The following MACF1 variants were observed in gnomAD, a reference collection of about 807,000 sequenced individuals.
The protein encoded by MACF1 is microtubule-actin cross-linking factor 1.
A neutral mutation model predicts 854.8 loss-of-function variants in MACF1; 193 were observed. That is an observed-to-expected ratio of 0.23 (90% confidence interval 0.20 to 0.25). MACF1 has a LOEUF of 0.25. MACF1 is among the 10% of genes least tolerant of loss of function. The pLI is 1.00. For synonymous variants in MACF1, 3,185 were observed against 3,226.7 expected, an observed-to-expected ratio of 0.99 and a Z score of 0.44; for missense variants, 7,722 against 8,929.1, an observed-to-expected ratio of 0.86 and a Z score of 5.45.
Position 39,427,498 on chromosome 1 carries a change from C to T in MACF1, c.16360C>T (p.His5454Tyr), listed in dbSNP as rs1199232590. 1 of 1,614,104 alleles carries T rather than the reference C, an allele frequency of 6.2e-7. No homozygotes were observed. Among genetic ancestry groups the T allele is most frequent in the Non-Finnish European group, 8.5e-7 (1 of 1,180,016 alleles). The change falls in exon 62 of 101, where the codon CAT becomes TAT. Residue 5454 changes from histidine to tyrosine, a missense_variant. Around this residue, in one of 15 missense-constraint regions of MACF1, gnomAD observed 2,807 missense variants for 3,235.8 expected, o/e 0.87. Coordinates refer to ENST00000564288, the MANE Select transcript of MACF1 (RefSeq NM_001394062.1). Reference sequence around the variant, plus strand: ...CATCCTGGTTCTGGCCAAACAGTTCCATGAGACAGCTGAGCCTATTTCTGA... The same window carrying T: ...CATCCTGGTTCTGGCCAAACAGTTCTATGAGACAGCTGAGCCTATTTCTGA... ...EDILVLAKQF[H>Y]ETAEPISDFL...
chr1:39,398,257 G>A (rs1309686409), intron 58 of MACF1, among the ~76,000 whole-genome samples: 1 of 151,394 alleles, frequency 6.6e-6, no homozygotes, highest in East Asian at 1.9e-4. Flanking sequence ...TCCTGCCTCA[G>A]CCCCACAAGT....
At chr1:39,125,258 A>G (rs1642828004) in intron 2 of MACF1, among the ~76,000 whole-genome samples, 1 of 152,214 alleles carries the variant, frequency 6.6e-6, no homozygotes, top group Admixed American at 6.5e-5. Context: ...TTGGTTCAAA[A>G]GTACTTGTTC....
rs908054037 is a variant in MACF1, at chr1:39,251,924, G to A, written c.340G>A (p.Glu114Lys). ...TACAAACAACGAGGAGCAGGCGGAG[G>A]AAGATGATGATGATGTAGTAGGTCC... ...CHTNNEEQAEEDDDDVPREKG... is the reference protein window; with the variant it reads ...CHTNNEEQAEKDDDDVPREKG... The change falls in exon 4 of 101, where the codon GAA (glutamate) becomes AAA (lysine). Residue 114 changes from glutamate to lysine, a missense_variant. By Grantham distance (56) the Glu-to-Lys change is moderately conservative. Transcript: ENST00000564288. The A allele has an allele frequency of 6.6e-7, 1 of 1,515,160 alleles. No homozygotes were observed. Among genetic ancestry groups the A allele is most frequent in the Non-Finnish European group, 8.8e-7 (1 of 1,136,854 alleles). 93.9% of individuals were successfully genotyped at this position (1,515,160 alleles called of 1,614,324 possible).
At chr1:39,321,327 A>G (rs966925548) in intron 31 of MACF1, among the ~76,000 whole-genome samples, 1 of 152,246 alleles carries the variant, frequency 6.6e-6, no homozygotes, top group Non-Finnish European at 1.5e-5. Context: ...GAGATAATGT[A>G]TACATAGGAC....
Position 39,465,552 on chromosome 1 carries a change from A to G in MACF1, c.21771+440A>G, listed in dbSNP as rs914169484. Reference sequence around the variant, plus strand: ...TTTGTAGTTACTTATATTGTATGTTATAATTACAAGGTATCTGAGAAGTGT... The same window carrying G: ...TTTGTAGTTACTTATATTGTATGTTGTAATTACAAGGTATCTGAGAAGTGT... On this transcript the variant is annotated intron_variant, in intron 95 of 100. Coordinates refer to ENST00000564288, the MANE Select transcript of MACF1 (RefSeq NM_001394062.1). Among the ~76,000 whole-genome samples, 9 of 152,250 alleles carry G rather than the reference A, an allele frequency of 5.9e-5. No individual in the cohort carries two copies. In the South Asian group the frequency reaches 1.0e-3, roughly 18 times the overall value.
intron 38 of MACF1, among the ~76,000 whole-genome samples, chr1:39,337,970 C>T (rs1360019755): frequency 1.3e-5 from 2 of 152,074 alleles, no homozygotes; most frequent in Admixed American, 6.6e-5. Context: ...GGGGTTTCAC[C>T]GTGTTAGCCA....
At chr1:39,476,058 A>G (rs1557674201) in intron 97 of MACF1, among the ~76,000 whole-genome samples, 1 of 152,194 alleles carries the variant, frequency 6.6e-6, no homozygotes, top group Non-Finnish European at 1.5e-5. Context: ...TTACCTAACA[A>G]ATTGTCAGAC....
chr1:39,186,304 C>G (rs1450939247), intron 2 of MACF1, among the ~76,000 whole-genome samples: 1 of 149,396 alleles, frequency 6.7e-6, no homozygotes, highest in Non-Finnish European at 1.5e-5. Flanking sequence ...GAGTCTCACT[C>G]TGTCACCAGG....
chr1:39,391,470 G>C (rs1217767990), intron 58 of MACF1, among the ~76,000 whole-genome samples: 1 of 152,078 alleles, frequency 6.6e-6, no homozygotes, highest in Admixed American at 6.6e-5. Context: ...CCATGATATT[G>C]GTTATTATTT....
intron 38 of MACF1, among the ~76,000 whole-genome samples, chr1:39,337,561 C>CT (rs1646835408): frequency 4.3e-5 from 2 of 46,488 alleles, no homozygotes; most frequent in Non-Finnish European, 1.0e-4. Flanking sequence ...TAATTACTAC[C>CT]ATTTTTTTTT....
At chr1:39,432,453 C>T (rs550638305) in intron 66 of MACF1, 82 bp from the exon 67 acceptor site, 6 of 1,274,424 alleles carry the variant, frequency 4.7e-6, no homozygotes, top group African/African-American at 3.0e-5. Context: ...AAAATCCAGG[C>T]CTTGCTTTGT....
Position 39,479,971 on chromosome 1 carries a change from A to G in MACF1, c.22132A>G (p.Met7378Val), listed in dbSNP as rs1367027932. 6.3e-7 allele frequency: 1 copy of G among 1,590,130 alleles called. No individual in the cohort carries two copies. ...TCAGAGTAACCACAGCTGTACATCC[A>G]TGCCATCTTCTCCAGCCACCCCAGC... ...ASQSNHSCTS[M>V]PSSPATPASG... Residue 7378 changes from methionine to valine, a missense_variant, in exon 98 of 101, where the codon ATG (methionine) becomes GTG (valine). By Grantham distance (21) the Met-to-Val change is conservative (BLOSUM62 1). Around this residue, in one of 15 missense-constraint regions of MACF1, gnomAD observed 153 missense variants for 342.5 expected, o/e 0.45. Coordinates refer to ENST00000564288, the MANE Select transcript of MACF1 (RefSeq NM_001394062.1).
rs1570251597 is a variant in MACF1, at chr1:39,484,749, A to C, written c.22411+19A>C. The C allele has an allele frequency of 6.2e-7, 1 of 1,614,176 alleles. No individual in the cohort carries two copies. The highest frequency in any genetic ancestry group is 1.1e-5 in the South Asian group (1 of 91,080). On this transcript the variant is annotated intron_variant, in intron 100 of 100. Coordinates refer to ENST00000564288, the MANE Select transcript of MACF1 (RefSeq NM_001394062.1). ...CGGGCAGGTAAGTACCTGCCCCGTG[A>C]CCTACAAGCCAGGCTGAGAATTTGG...
At position 39,310,265 on chromosome 1, in the gene MACF1, G is replaced by C. The variant is rs774004723; in HGVS notation, c.2937G>C (p.Gly979=). 1 of 1,613,466 alleles carries C rather than the reference G, an allele frequency of 6.2e-7. No homozygotes were observed. The highest frequency in any genetic ancestry group is 1.7e-5 in the Admixed American group (1 of 59,864). ...NLEKLRSSAP[G]ECHQIMKNLQ... ...TCTAGCTTCGATCCTCAGCACCAGG[G>C]GAGTGCCATCAGATTATGAAGAACC... The change falls in exon 25 of 101, where the codon GGG becomes GGC. Residue 979 remains glycine (G), a synonymous_variant. Coordinates refer to ENST00000564288, the MANE Select transcript of MACF1 (RefSeq NM_001394062.1).
chr1:39,346,311 G>C (rs563204062), intron 40 of MACF1, among the ~76,000 whole-genome samples: 38 of 151,818 alleles, frequency 2.5e-4, no homozygotes, highest in Non-Finnish European at 4.0e-4. Context: ...GCAGTGAGCC[G>C]AGATGGCGCC....
Position 39,250,061 on chromosome 1 carries a change from T to C in MACF1, c.219T>C (p.His73=). 6.2e-7 allele frequency: 1 copy of C among 1,613,918 alleles called. No homozygotes were observed. Among genetic ancestry groups the C allele is most frequent in the Non-Finnish European group, 8.5e-7 (1 of 1,179,834 alleles). Residue 73 remains histidine (H), a synonymous_variant, in exon 3 of 101, where the codon CAT becomes CAC. Coordinates refer to ENST00000564288, the MANE Select transcript of MACF1 (RefSeq NM_001394062.1). Reference sequence around the variant, plus strand: ...TTTATGAAGATCTGCGGGATGGCCATAACCTGATCTCTCTGTTGGAGGTCC... The same window carrying C: ...TTTATGAAGATCTGCGGGATGGCCACAACCTGATCTCTCTGTTGGAGGTCC... The part of the protein sequence containing the change: ...NDLYEDLRDG[H]NLISLLEVLS...
chr1:39,124,641 T>G (rs2148162852), intron 2 of MACF1, among the ~76,000 whole-genome samples: 1 of 152,356 alleles, frequency 6.6e-6, no homozygotes, highest in Non-Finnish European at 1.5e-5. Context: ...TATAAAGCTG[T>G]ATTGTGTGTG....
upstream of MACF1, among the ~76,000 whole-genome samples, chr1:39,201,692 C>T (rs1644391460): frequency 6.6e-6 from 1 of 151,970 alleles, no homozygotes; most frequent in Non-Finnish European, 1.5e-5. Context: ...GTGTTACTGT[C>T]TCACACAAAG....
chr1:39,452,580 C>T, intron 86 of MACF1, 104 bp from the exon 87 acceptor site: 1 of 1,444,176 alleles, frequency 6.9e-7, no homozygotes, highest in South Asian at 1.2e-5. Flanking sequence ...TTGATGAGGC[C>T]ATGAAATGTC....
Sources: allele counts gnomAD v4.1 joint callset (sites outside exome capture counted in the v4.1 genomes callset), GRCh38; gene constraint gnomAD v4.1.1; regional missense constraint gnomAD v4.1.1; transcripts MANE v1.5; gene names NCBI Gene and HGNC (gene_info 2026-07-23, HGNC 2026-07-21).